PATJ: variants seen among roughly 807,000 people sequenced by gnomAD.
PATJ encodes PATJ crumbs cell polarity complex component.
A neutral mutation model predicts 224.9 loss-of-function variants in PATJ; 190 were observed. The ratio of observed to expected loss-of-function variants is 0.84; its 90% CI spans 0.75 to 0.95. PATJ has a LOEUF of 0.95. PATJ is among the 40% of genes least tolerant of loss of function. The pLI, the probability that PATJ is intolerant of heterozygous loss-of-function variation, is 0.00. For missense variants in PATJ, 2,121 were observed against 2,270.3 expected (o/e 0.93, Z 1.34); for synonymous variants, 769 against 820.3 (o/e 0.94, Z 1.07).
chr1:61,857,125 T>A (rs924948878), intron 18 of PATJ, among the ~76,000 whole-genome samples: 2 of 152,182 alleles, frequency 1.3e-5, no homozygotes, highest in African/African-American at 4.8e-5. Flanking sequence ...GTCAGGTTAC[T>A]GCTTATGACT....
intron 28 of PATJ, among the ~76,000 whole-genome samples, chr1:61,995,035 T>A (rs1328757996): frequency 6.6e-6 from 1 of 152,224 alleles, no homozygotes; most frequent in Admixed American, 6.5e-5. Flanking sequence ...TCAAATCCAA[T>A]GTGCTTTTGA....
chr1:62,032,834 TG>T (rs376700713), intron 29 of PATJ, among the ~76,000 whole-genome samples: 255 of 152,122 alleles, frequency 1.7e-3, no homozygotes, highest in African/African-American at 5.8e-3. Flanking sequence ...TCAGCGTGTC[TG>T]GGGGGGCCTC....
chr1:61,910,914 G>A (rs1051470043), intron 25 of PATJ, among the ~76,000 whole-genome samples: 1 of 152,038 alleles, frequency 6.6e-6, no homozygotes, highest in Non-Finnish European at 1.5e-5. Flanking sequence ...TTTGTAAAAT[G>A]GTGCTGTCTT....
chr1:61,874,503 G>A (rs1332410024), intron 20 of PATJ, among the ~76,000 whole-genome samples: 1 of 152,130 alleles, frequency 6.6e-6, no homozygotes, highest in African/African-American at 2.4e-5. Context: ...AGCCCCTTGG[G>A]CCTATTTTAT....
At chr1:61,954,025 C>G (rs531283068) in intron 27 of PATJ, among the ~76,000 whole-genome samples, 1 of 152,282 alleles carries the variant, frequency 6.6e-6, no homozygotes, top group South Asian at 2.1e-4. Context: ...AATATATAAA[C>G]TCACTTTTAG....
intron 1 of PATJ, among the ~76,000 whole-genome samples, chr1:61,743,892 G>A (rs1557560170): frequency 1.3e-5 from 2 of 151,930 alleles, no homozygotes; most frequent in African/African-American, 2.4e-5. Flanking sequence ...AGAGGGGAGG[G>A]TAAAAGGAAA....
chr1:62,081,273 CAA>C (rs1659244276), intron 32 of PATJ, among the ~76,000 whole-genome samples: 1 of 152,068 alleles, frequency 6.6e-6, no homozygotes, highest in African/African-American at 2.4e-5. Context: ...AATAAATAAA[CAA>C]ATAAATAAAT....
Position 61,795,551 on chromosome 1 carries a change from T to C in PATJ, c.1253T>C (p.Ile418Thr). ...HNGHIQVNDK[I>T]VAVDGVNIQG... ...GGCCACATTCAAGTGAATGACAAAA[T>C]AGTTGCTGTAAGTAACTCGCCTCTG... Residue 418 changes from isoleucine (I) to threonine (T), a missense_variant, in exon 10 of 44, where the codon ATA (isoleucine) becomes ACA (threonine). Coordinates refer to ENST00000642238, the MANE Select transcript of PATJ (RefSeq NM_001350145.3). 1 of 1,602,386 alleles carries C rather than the reference T, an allele frequency of 6.2e-7. No individual in the cohort carries two copies.
intron 27 of PATJ, among the ~76,000 whole-genome samples, chr1:61,975,683 G>A (rs1030379227): frequency 6.6e-6 from 1 of 151,938 alleles, no homozygotes; most frequent in African/African-American, 2.4e-5. Flanking sequence ...ACTGTTCAAA[G>A]CATTTCAGTA....
At chr1:61,875,486 G>T (rs978977520) in intron 21 of PATJ, 120 bp downstream of exon 21, 3 of 683,796 alleles carry the variant, frequency 4.4e-6, no homozygotes, top group Admixed American at 6.2e-5. Flanking sequence ...TTGAATTTAT[G>T]TCTGCTTAAT....
chr1:62,122,482 A>T (rs1665193172), intron 38 of PATJ, among the ~76,000 whole-genome samples: 1 of 151,740 alleles, frequency 6.6e-6, no homozygotes, highest in Non-Finnish European at 1.5e-5. Flanking sequence ...TGTCAGACCA[A>T]ATGGTTATGG....
chr1:62,152,720 T>C (rs750770355), intron 42 of PATJ, among the ~76,000 whole-genome samples: 2 of 152,084 alleles, frequency 1.3e-5, no homozygotes, highest in Non-Finnish European at 2.9e-5. Flanking sequence ...TTATCTGTTA[T>C]GGACAAGAGT....
intron 33 of PATJ, among the ~76,000 whole-genome samples, chr1:62,090,047 A>G (rs1432742820): frequency 6.6e-6 from 1 of 152,198 alleles, no homozygotes; most frequent in Admixed American, 6.5e-5. Context: ...TCTTGACACC[A>G]CATCAGTCCT....
intron 39 of PATJ, among the ~76,000 whole-genome samples, chr1:62,123,625 C>A (rs989212918): frequency 5.3e-5 from 8 of 151,092 alleles, no homozygotes; most frequent in Admixed American, 2.6e-4. Flanking sequence ...CTACAGGCGC[C>A]TGCCACCACG....
At chr1:61,774,532 G>A (rs1216291788) in intron 6 of PATJ, among the ~76,000 whole-genome samples, 1 of 152,078 alleles carries the variant, frequency 6.6e-6, no homozygotes, top group Non-Finnish European at 1.5e-5. Flanking sequence ...GACACTTCGT[G>A]TCCTACCACC....
Position 61,908,497 on chromosome 1 carries a change from A to G in PATJ, c.3492+15A>G. 3 of 1,557,304 alleles carry G rather than the reference A, an allele frequency of 1.9e-6. No individual in the cohort carries two copies. Among genetic ancestry groups the G allele is most frequent in the Non-Finnish European group, 2.7e-6 (3 of 1,128,918 alleles). ...CCACTCCACGAGTAAGTTTTAGTTC[A>G]TATTTTCAAAAAGTTTAACAACACT... On this transcript the variant is annotated intron_variant, in intron 25 of 43. Transcript: ENST00000642238.
At chr1:61,755,815 AT>A (rs916288563) in intron 1 of PATJ, among the ~76,000 whole-genome samples, 1 of 151,290 alleles carries the variant, frequency 6.6e-6, no homozygotes, top group Non-Finnish European at 1.5e-5. Flanking sequence ...TCTTTTTATT[AT>A]TTTTTTTTAG....
chr1:61,937,883 C>T (rs1677139750), intron 27 of PATJ, among the ~76,000 whole-genome samples: 1 of 152,172 alleles, frequency 6.6e-6, no homozygotes, highest in Non-Finnish European at 1.5e-5. Flanking sequence ...CTCCCAACCT[C>T]AGATGATCCA....
intron 27 of PATJ, among the ~76,000 whole-genome samples, chr1:61,953,902 G>A (rs1378644419): frequency 6.6e-6 from 1 of 152,114 alleles, no homozygotes; most frequent in East Asian, 1.9e-4. Flanking sequence ...CCACTGTCCA[G>A]GCTCCAAACA....
Sources: gnomAD v4.1 joint callset for allele counts (sites outside exome capture counted in the v4.1 genomes callset) on GRCh38, gnomAD v4.1.1 for gene constraint, MANE v1.5 for transcripts, NCBI Gene and HGNC (gene_info 2026-07-23, HGNC 2026-07-21) for gene names.